The following EXT1 variants were observed in gnomAD, a reference collection of about 807,000 sequenced individuals.
The protein encoded by EXT1 is exostosin glycosyltransferase 1, also known as exostosin-1.
Under a neutral mutation model 82.5 loss-of-function variants are expected in EXT1, and 20 were observed. That is an observed-to-expected ratio of 0.24 (90% CI 0.17 to 0.35). EXT1 has a LOEUF of 0.35. Among genes scored for constraint, EXT1 ranks in the 10% least tolerant of loss-of-function variants. The pLI is 1.00. For synonymous variants in EXT1, 348 were observed against 350.8 expected, an observed-to-expected ratio of 0.99 and a Z score of 0.09; for missense variants, 757 against 936.5, an observed-to-expected ratio of 0.81 and a Z score of 2.50.
At chr8:118,040,529 A>G (rs1816510234) in intron 1 of EXT1, among the ~76,000 whole-genome samples, 2 of 152,172 alleles carry the variant, frequency 1.3e-5, no homozygotes, top group African/African-American at 4.8e-5. Flanking sequence ...GCTTCCTTCA[A>G]GAACACCCAT....
intron 1 of EXT1, among the ~76,000 whole-genome samples, chr8:118,105,245 C>G (rs1037167717): frequency 6.6e-6 from 1 of 152,220 alleles, no homozygotes; most frequent in African/African-American, 2.4e-5. Flanking sequence ...AGCCTTCTGA[C>G]AGAAAGAACT....
chr8:118,073,632 A>AAGAAGAGAAGAGAAAGAAGAGAAG (rs1817141402), intron 1 of EXT1, among the ~76,000 whole-genome samples: 2 of 89,478 alleles, frequency 2.2e-5, no homozygotes. Flanking sequence ...AGAGAAGAGA[A>AAGAAGAGAAGAGAAAGAAGAGAAG]AGAAGAGAAG....
At chr8:118,073,712 T>A (rs1563647881) in intron 1 of EXT1, among the ~76,000 whole-genome samples, 3 of 125,826 alleles carry the variant, frequency 2.4e-5, no homozygotes, top group African/African-American at 9.8e-5. Context: ...GAGAAGCCTC[T>A]TAAGAAGGAT....
intron 1 of EXT1, among the ~76,000 whole-genome samples, chr8:117,923,681 G>A (rs894516593): frequency 7.3e-5 from 11 of 151,332 alleles, no homozygotes; most frequent in East Asian, 5.8e-4. Flanking sequence ...AGCCGAGATC[G>A]TGCCACTGCA....
intron 1 of EXT1, among the ~76,000 whole-genome samples, chr8:118,079,965 T>C (rs747281894): frequency 2.0e-5 from 3 of 152,204 alleles, no homozygotes; most frequent in Non-Finnish European, 4.4e-5. Context: ...AAGCCAGATT[T>C]TGGCATACAG....
chr8:118,006,105 T>C (rs1231959648), intron 1 of EXT1, among the ~76,000 whole-genome samples: 1 of 152,240 alleles, frequency 6.6e-6, no homozygotes, highest in Non-Finnish European at 1.5e-5. Flanking sequence ...TCTAAGTTTA[T>C]AGGGTTCTGG....
chr8:117,971,546 T>C (rs922464551), intron 1 of EXT1, among the ~76,000 whole-genome samples: 15 of 152,242 alleles, frequency 9.9e-5, no homozygotes, highest in African/African-American at 3.6e-4. Context: ...CATTACTCTT[T>C]GAGCTTTATA....
chr8:117,972,298 C>T (rs764747389), intron 1 of EXT1, among the ~76,000 whole-genome samples: 2 of 152,186 alleles, frequency 1.3e-5, no homozygotes, highest in Non-Finnish European at 2.9e-5. Context: ...TTTGCCTATG[C>T]ATTTTTCAGG....
intron 7 of EXT1, among the ~76,000 whole-genome samples, chr8:117,814,211 T>G (rs944522532): frequency 1.4e-5 from 2 of 147,680 alleles, no homozygotes; most frequent in African/African-American, 5.0e-5. Context: ...TAAGGAAAGG[T>G]GGACTACGTG....
At chr8:117,889,154 T>C (rs1475021717) in intron 1 of EXT1, among the ~76,000 whole-genome samples, 1 of 152,176 alleles carries the variant, frequency 6.6e-6, no homozygotes, top group Non-Finnish European at 1.5e-5. Flanking sequence ...GTAAGATATG[T>C]GTTTAAAATG....
At chr8:117,989,804 C>T (rs1392728860) in intron 1 of EXT1, among the ~76,000 whole-genome samples, 4 of 152,270 alleles carry the variant, frequency 2.6e-5, no homozygotes, top group Non-Finnish European at 5.9e-5. Flanking sequence ...AAGAGCCCCA[C>T]TGCTTTCTCA....
chr8:118,011,189 T>C (rs1314781376), intron 1 of EXT1, among the ~76,000 whole-genome samples: 1 of 152,176 alleles, frequency 6.6e-6, no homozygotes, highest in African/African-American at 2.4e-5. Flanking sequence ...AATCCTCTCA[T>C]ATCTCTTTTC....
chr8:117,818,116 C>T (rs1206107474), intron 7 of EXT1, among the ~76,000 whole-genome samples: 1 of 152,194 alleles, frequency 6.6e-6, no homozygotes, highest in Non-Finnish European at 1.5e-5. Context: ...TTGCCAGCTC[C>T]TGACTTTATT....
intron 1 of EXT1, among the ~76,000 whole-genome samples, chr8:118,060,321 C>T (rs539219762): frequency 7.7e-4 from 117 of 152,270 alleles, no homozygotes; most frequent in African/African-American, 2.6e-3. Context: ...ATTTGGACCT[C>T]CGACTTTTTC....
In EXT1 at chr8:117,822,585, T is replaced by G. The variant is rs1037557280; in HGVS notation, c.1297A>C (p.Arg433=). ...TTACGTGATATGTGCTTGAATATTC[T>G]GTCCTGAATAATCTAGAAAATAAAA... ...VLTTLEIIQD[R]IFKHISRNSL... Residue 433 remains arginine, a synonymous_variant, in exon 5 of 11, where the codon AGA becomes CGA. Transcript: ENST00000378204. 1 of 1,613,022 alleles carries G rather than the reference T, an allele frequency of 6.2e-7. No homozygotes were observed. Among genetic ancestry groups the G allele is most frequent in the Non-Finnish European group, 8.5e-7 (1 of 1,179,646 alleles).
At position 118,111,029 on chromosome 8, in the gene EXT1, G is replaced by A. The variant is rs1199624139; in HGVS notation, c.18C>T (p.Arg6=). The change falls in exon 1 of 11, where the codon CGC becomes CGT. Residue 6 remains arginine, a synonymous_variant. Transcript: ENST00000378204. The part of the protein sequence containing the change: MQAKK[R]YFILLSAGSC... ...AGCCAGCTGAGAGCAGGATGAAATA[G>A]CGTTTTTTGGCCTGCATGTGTCCTG... The A allele has an allele frequency of 6.3e-7, 1 of 1,598,396 alleles. No homozygotes were observed. Among genetic ancestry groups the A allele is most frequent in the African/African-American group, 1.3e-5 (1 of 74,832 alleles).
At chr8:117,840,160 A>G (rs1812251293) in intron 1 of EXT1, among the ~76,000 whole-genome samples, 1 of 152,192 alleles carries the variant, frequency 6.6e-6, no homozygotes, top group Non-Finnish European at 1.5e-5. Context: ...AAATCTTGGC[A>G]AGAACCATGA....
At chr8:118,088,113 G>A (rs1240556660) in intron 1 of EXT1, among the ~76,000 whole-genome samples, 4 of 152,110 alleles carry the variant, frequency 2.6e-5, no homozygotes, top group Non-Finnish European at 2.9e-5. Flanking sequence ...CTGCTGCACT[G>A]AAAACATTCC....
At chr8:118,091,864 A>G (rs2956390) in intron 1 of EXT1, among the ~76,000 whole-genome samples, 85,316 of 151,994 alleles carry the variant, frequency 0.56, 25,760 homozygotes, top group Middle Eastern at 0.72. Context: ...AATTAAGTAA[A>G]TCTAACAATT....
Sources: gnomAD v4.1 joint callset for allele counts (sites outside exome capture counted in the v4.1 genomes callset) on GRCh38, gnomAD v4.1.1 for gene constraint, MANE v1.5 for transcripts, NCBI Gene and HGNC (gene_info 2026-07-23, HGNC 2026-07-21) for gene names.